Variants in LRRC37B observed in about 807,000 individuals in gnomAD.
LRRC37B encodes leucine-rich repeat-containing protein 37B.
In LRRC37B, 28 loss-of-function variants were observed where a neutral mutation model predicts 98.3. That is an observed-to-expected ratio of 0.28 (90% CI 0.21 to 0.39). The LOEUF is 0.39. Among genes scored for constraint, LRRC37B ranks in the 10% least tolerant of loss-of-function variants. The pLI is 1.00. For synonymous variants in LRRC37B, 364 were observed against 442.7 expected, an observed-to-expected ratio of 0.82 and a Z score of 2.23; for missense variants, 938 against 1,182.7, an observed-to-expected ratio of 0.79 and a Z score of 3.03.
chr17:32,021,568 A>G (rs766147489), exon 1 of LRRC37B: 4 of 1,614,054 alleles, frequency 2.5e-6, no homozygotes, highest in Non-Finnish European at 3.4e-6. Flanking sequence ...CTCAACCGGG[A>G]TCAGAACCAG....
intron 5 of LRRC37B, 127 bp from the exon 9 acceptor site, chr17:32,034,783 T>G: frequency 1.5e-6 from 1 of 667,468 alleles, no homozygotes; most frequent in Non-Finnish European, 2.6e-6. Flanking sequence ...TAATGGTGAT[T>G]TATTATGTAA....
intron 7 of LRRC37B, chr17:32,040,563 G>GT (rs1357653262): frequency 1.3e-6 from 1 of 759,384 alleles, no homozygotes; most frequent in Non-Finnish European, 2.5e-6. Flanking sequence ...CAGCAAGGCG[G>GT]TGACGGAAAT....
chr17:32,010,460 C>G (rs1910500917), intron 1 of LRRC37B, among the ~76,000 whole-genome samples: 1 of 152,158 alleles, frequency 6.6e-6, no homozygotes, highest in African/African-American at 2.4e-5. Flanking sequence ...AAAGATTTTC[C>G]TCTTTGATTT....
intron 2 of LRRC37B, among the ~76,000 whole-genome samples, chr17:32,025,138 G>A (rs1179110084): frequency 8.3e-6 from 1 of 120,924 alleles, no homozygotes; most frequent in East Asian, 2.9e-4. Context: ...CCAGGCACAA[G>A]TGATCCTCCC....
chr17:32,016,449 T>C (rs16972820), upstream of LRRC37B, among the ~76,000 whole-genome samples: 4,490 of 152,304 alleles, frequency 0.029, 205 homozygotes, highest in African/African-American at 0.1. Flanking sequence ...GGTTAAGCTT[T>C]GGCTTCCGTT....
intron 1 of LRRC37B, among the ~76,000 whole-genome samples, chr17:32,009,560 G>A (rs1172705410): frequency 2.0e-5 from 3 of 151,358 alleles, no homozygotes; most frequent in Non-Finnish European, 4.4e-5. Flanking sequence ...GGCATGAGCC[G>A]CCATGCCTGG....
At chr17:32,050,703 C>T (rs536872982) in intron 11 of LRRC37B, 40 of 151,872 alleles carry the variant, frequency 2.6e-4, no homozygotes, top group Admixed American at 2.6e-3. Flanking sequence ...ATACTCCAGC[C>T]CTCCTGAGCC....
chr17:32,039,479 AATATATATATATATATATATAT>A (rs1185838390), intron 7 of LRRC37B, among the ~76,000 whole-genome samples: 1 of 38,842 alleles, frequency 2.6e-5, no homozygotes, highest in African/African-American at 9.9e-5. Context: ...CCTGCCTAAA[AATATATATATATATATATATAT>A]ATATATATAT....
exon 7 of LRRC37B, chr17:32,035,586 C>T (rs1161445402): frequency 1.2e-6 from 2 of 1,612,582 alleles, no homozygotes; most frequent in South Asian, 1.1e-5. Context: ...CAACACACAT[C>T]ACACTTACAA....
At chr17:32,041,634 G>A (rs945300902) in intron 7 of LRRC37B, 11 of 463,248 alleles carry the variant, frequency 2.4e-5, no homozygotes, top group African/African-American at 1.8e-4. Flanking sequence ...CAAGCCTGCC[G>A]GCGCCACCCA....
intron 9 of LRRC37B, among the ~76,000 whole-genome samples, chr17:32,048,418 C>G (rs1360796081): frequency 6.7e-6 from 1 of 149,850 alleles, no homozygotes; most frequent in Non-Finnish European, 1.5e-5. Context: ...CCATCTACAC[C>G]AAGCCTTCAT....
chr17:32,053,326 T>G, exon 12 of LRRC37B: 4 of 1,603,974 alleles, frequency 2.5e-6, no homozygotes, highest in Non-Finnish European at 3.4e-6. Flanking sequence ...ATCAGGAGCC[T>G]GAGCATGAGT....
In LRRC37B at chr17:32,037,188, C is replaced by T. The variant is rs761179881; in HGVS notation, c.2204+1549C>T. Among the ~76,000 whole-genome samples the T allele has an allele frequency of 2.0e-4, 30 of 152,016 alleles. 1 individual carries two copies. The highest frequency in any genetic ancestry group is 3.5e-4 in the Non-Finnish European group (24 of 68,002). ...TAGAGATAGGGTTTCACCATGTTGG[C>T]CAGGCTGGTCTTGAACTCCTGACCT... On this transcript the variant is annotated intron_variant, in intron 7 of 11. Transcript: ENST00000327564.
At chr17:32,032,128 C>T (rs1291577447) in intron 5 of LRRC37B, among the ~76,000 whole-genome samples, 2 of 152,012 alleles carry the variant, frequency 1.3e-5, no homozygotes, top group East Asian at 3.9e-4. Flanking sequence ...ATTAGCAGGT[C>T]GTGGTGGCAG....
At chr17:32,030,568 T>A in intron 3 of LRRC37B, 88 bp from the exon 7 acceptor site, 1 of 1,214,246 alleles carries the variant, frequency 8.2e-7, no homozygotes, top group Non-Finnish European at 1.1e-6. Context: ...AAAATGTGTA[T>A]TCAATATTAT....
At chr17:32,035,320 T>G (rs1455581271) in intron 6 of LRRC37B, among the ~76,000 whole-genome samples, 1 of 151,816 alleles carries the variant, frequency 6.6e-6, no homozygotes, top group African/African-American at 2.4e-5. Context: ...CAATATGAAA[T>G]GAGAAGTAAG....
rs751530332 is a variant in LRRC37B, at chr17:32,008,023, G to T, written c.-300G>T. The T allele has an allele frequency of 2.1e-5, 11 of 521,740 alleles. No homozygotes were observed. The highest frequency in any genetic ancestry group is 3.7e-5 in the Non-Finnish European group (10 of 273,698). 32.3% of individuals were successfully genotyped at this position (521,740 alleles called of 1,614,324 possible). Reference sequence around the variant, plus strand: ...AGACCCAGGAGTCTGAGGACAACTAGGAGGATGACATGGAGGAGGACGACG... The same window carrying T: ...AGACCCAGGAGTCTGAGGACAACTATGAGGATGACATGGAGGAGGACGACG... On this transcript the variant is annotated 5_prime_UTR_variant, in exon 1 of 15. The change creates a new upstream start codon in the 5' untranslated region. Transcript: ENST00000543378.
chr17:32,047,776 T>C (rs1567620191), exon 9 of LRRC37B: 1 of 1,613,918 alleles, frequency 6.2e-7, no homozygotes, highest in Non-Finnish European at 8.5e-7. Flanking sequence ...GAAGCATCTG[T>C]AGGGAATCCA....
rs1910826461 is a variant in LRRC37B, at chr17:32,022,465, A to C, written c.1400A>C (p.Glu467Ala). 3 of 1,612,936 alleles carry C rather than the reference A, an allele frequency of 1.9e-6. No individual in the cohort carries two copies. In the Middle Eastern group the frequency reaches 5.8e-4, roughly 311 times the overall value. ...GAGGTTAAACCGTCTCCAACCACGG[A>C]GGAAACCTCAGCTCAGCCTCCAGAC... The change falls in exon 1 of 12, where the codon GAG (glutamate) becomes GCG (alanine). Residue 467 changes from glutamate (E) to alanine (A), a missense_variant. Glu to Ala is a moderately radical substitution (Grantham distance 107). This residue lies in a region of LRRC37B where 610 missense variants were observed against 625.6 expected (regional missense o/e 0.98). Transcript: ENST00000327564.
Sources: gnomAD v4.1 joint callset for allele counts (sites outside exome capture counted in the v4.1 genomes callset) on GRCh38, gnomAD v4.1.1 for gene constraint, gnomAD v4.1.1 regional missense constraint, MANE v1.5 for transcripts, NCBI Gene and HGNC (gene_info 2026-07-23, HGNC 2026-07-21) for gene names.